UGP2: variants seen among roughly 807,000 people sequenced by gnomAD.
The protein encoded by UGP2 is UTP--glucose-1-phosphate uridylyltransferase.
UGP2 carries 40 observed loss-of-function variants against 49.0 expected under a neutral mutation model. The observed-to-expected ratio is 0.82, with a 90% CI of 0.63 to 1.06. The LOEUF (loss-of-function observed/expected upper bound fraction) is 1.06, where lower values mean the gene tolerates loss of function less well. UGP2 is among the 50% of genes least tolerant of loss of function. The pLI, the probability that UGP2 is intolerant of heterozygous loss-of-function variation, is 0.00. For missense variants in UGP2, 460 were observed against 603.5 expected (o/e 0.76, Z 2.49); for synonymous variants, 225 against 213.0 (o/e 1.06, Z -0.49).
chr2:63,881,170 A>G (rs993249961), intron 3 of UGP2, among the ~76,000 whole-genome samples: 2 of 152,234 alleles, frequency 1.3e-5, no homozygotes, highest in Non-Finnish European at 2.9e-5. Context: ...AGAAATAAGA[A>G]CCACAGACTA....
At chr2:63,888,093 G>C (rs1037931081) in intron 8 of UGP2, 1 of 155,802 alleles carries the variant, frequency 6.4e-6, no homozygotes, top group African/African-American at 2.4e-5. Flanking sequence ...GATATACCAA[G>C]TGGTGGAAAA....
chr2:63,864,858 T>C (rs1670074782), intron 3 of UGP2, among the ~76,000 whole-genome samples: 1 of 152,208 alleles, frequency 6.6e-6, no homozygotes. Context: ...ATTGACTAGC[T>C]ACTGTGTGAT....
chr2:63,881,348 TACAC>T (rs34467113), intron 3 of UGP2, among the ~76,000 whole-genome samples: 3,521 of 145,888 alleles, frequency 0.024, 38 homozygotes, highest in East Asian at 0.04. Context: ...ACCTACCCAT[TACAC>T]ACACACACAC....
rs1391844907 is a variant in UGP2 at position 63,891,248 on chromosome 2, C to T, written c.*21C>T. 3 of 1,575,400 alleles carry T rather than the reference C, an allele frequency of 1.9e-6. No homozygotes were observed. The highest frequency in any genetic ancestry group is 1.7e-5 in the Admixed American group (1 of 59,094). ...ACTGAAATGAAAAATACTGTGGACACTTAAATAATGGGCTAGTTTCTTACA... is the reference window on the plus strand; with the variant it reads ...ACTGAAATGAAAAATACTGTGGACATTTAAATAATGGGCTAGTTTCTTACA... On this transcript the variant is annotated 3_prime_UTR_variant, in exon 10 of 10. Transcript: ENST00000337130.
Position 63,886,392 on chromosome 2 carries a change from C to T in UGP2, c.925C>T (p.Gln309Ter). 1.9e-6 allele frequency: 3 copies of T among 1,614,150 alleles called. No homozygotes were observed. Among genetic ancestry groups the T allele is most frequent in the Non-Finnish European group, 2.5e-6 (3 of 1,180,020 alleles). The change falls in exon 7 of 10, where the codon CAA becomes TAA. Residue 309 changes from glutamine (Q) to a stop codon, truncating the protein, a stop_gained. Transcript: ENST00000337130. LOFTEE classifies it high-confidence loss of function. The part of the protein sequence containing the change: ...EGKLRLVEIA[Q>*]VPKAHVDEFK... ...CAAACTGAGACTGGTGGAAATTGCT[C>T]AAGTGCCAAAAGCACATGTAGACGA...
rs1389947402 is a variant in UGP2, at chr2:63,882,595, C to T, written c.385C>T (p.Leu129=). The T allele has an allele frequency of 2.5e-6, 4 of 1,609,390 alleles. No individual in the cohort carries two copies. The highest frequency in any genetic ancestry group is 3.4e-6 in the Non-Finnish European group (4 of 1,176,940). ...CATGGGCTGCAAAGGCCCTAAAAGT[C>T]TGATTGGTGTGAGGAATGAGAATAC... ...TSMGCKGPKS[L]IGVRNENTFL... Residue 129 remains leucine (L), a synonymous_variant, in exon 4 of 10, where the codon CTG becomes TTG. Transcript: ENST00000337130.
chr2:63,867,039 A>G (rs1670231222), intron 3 of UGP2, among the ~76,000 whole-genome samples: 2 of 152,174 alleles, frequency 1.3e-5, no homozygotes, highest in Non-Finnish European at 2.9e-5. Context: ...CTTGTGGTTT[A>G]ATTTCTGTAT....
At chr2:63,841,867 A>G (rs542265600), upstream of UGP2, 1 of 290,966 alleles carries the variant, frequency 3.4e-6, no homozygotes, top group African/African-American at 2.2e-5. Flanking sequence ...CATTGAAGAA[A>G]TTTAAGTTCG....
intron 9 of UGP2, among the ~76,000 whole-genome samples, chr2:63,890,615 A>G (rs1480496699): frequency 6.6e-6 from 1 of 152,220 alleles, no homozygotes; most frequent in Admixed American, 6.5e-5. Context: ...ACTAGATTTC[A>G]TATACTCCTC....
At chr2:63,855,105 C>T (rs974728475) in intron 1 of UGP2, among the ~76,000 whole-genome samples, 6 of 152,192 alleles carry the variant, frequency 3.9e-5, no homozygotes, top group African/African-American at 1.4e-4. Flanking sequence ...AAATCTCAAA[C>T]AGCTACTTTA....
At chr2:63,890,230 T>A (rs1672001859) in intron 9 of UGP2, 45 bp downstream of exon 9, 1 of 1,402,810 alleles carries the variant, frequency 7.1e-7, no homozygotes, top group Admixed American at 2.1e-5. Flanking sequence ...GCTTACAATA[T>A]AGGTCTCATT....
At chr2:63,867,422 T>C (rs1670257777) in intron 3 of UGP2, among the ~76,000 whole-genome samples, 2 of 152,200 alleles carry the variant, frequency 1.3e-5, no homozygotes, top group Admixed American at 6.5e-5. Context: ...ACCTACTTTA[T>C]AGGATTTTAG....
At chr2:63,848,278 T>G (rs900382743) in intron 1 of UGP2, among the ~76,000 whole-genome samples, 4 of 152,234 alleles carry the variant, frequency 2.6e-5, no homozygotes, top group African/African-American at 9.6e-5. Context: ...GTAATAGTGT[T>G]TGAAATTGTG....
chr2:63,878,276 C>T (rs911955734), intron 3 of UGP2, among the ~76,000 whole-genome samples: 2 of 152,176 alleles, frequency 1.3e-5, no homozygotes, highest in African/African-American at 4.8e-5. Context: ...GGCCCACCCT[C>T]TTAGCTCATA....
intron 3 of UGP2, among the ~76,000 whole-genome samples, chr2:63,881,661 T>TTG (rs1671325393): frequency 6.6e-6 from 1 of 152,366 alleles, no homozygotes; most frequent in African/African-American, 2.4e-5. Context: ...CTGCTGTAAG[T>TTG]TGTGTCACTG....
At chr2:63,884,793 C>T (rs965312776) in intron 5 of UGP2, among the ~76,000 whole-genome samples, 2 of 151,864 alleles carry the variant, frequency 1.3e-5, no homozygotes, top group Admixed American at 6.6e-5. Context: ...CCTTGTAGCC[C>T]AGCTACTTGG....
chr2:63,856,256 G>C (rs1197618585), intron 1 of UGP2, 50 bp from the exon 2 acceptor site: 1 of 1,587,412 alleles, frequency 6.3e-7, no homozygotes, highest in Admixed American at 1.8e-5. Flanking sequence ...CCAGCTGTTT[G>C]AATGGCTTCC....
Position 63,883,956 on chromosome 2 carries a change from C to A in UGP2, c.442-4C>A, listed in dbSNP as rs559524593. ...GGTAATCTAATTGTCATTTTCCTCC[C>A]TAGCATTTGAATAAAACCTACAATA... On this transcript the variant is annotated splice_region_variant and splice_polypyrimidine_tract_variant and intron_variant, in intron 4 of 9. Transcript: ENST00000337130. The A allele has an allele frequency of 1.3e-6, 2 of 1,597,610 alleles. No individual in the cohort carries two copies. The highest frequency in any genetic ancestry group is 1.7e-6 in the Non-Finnish European group (2 of 1,174,404).
At chr2:63,867,684 A>G (rs115148321) in intron 3 of UGP2, among the ~76,000 whole-genome samples, 1 of 152,184 alleles carries the variant, frequency 6.6e-6, no homozygotes, top group African/African-American at 2.4e-5. Flanking sequence ...TATGTTTGTT[A>G]TCAGTGTACT....
Sources: gnomAD v4.1 joint callset for allele counts (sites outside exome capture counted in the v4.1 genomes callset) on GRCh38, gnomAD v4.1.1 for gene constraint, MANE v1.5 for transcripts, NCBI Gene and HGNC (gene_info 2026-07-23, HGNC 2026-07-21) for gene names.